The following ANXA4 variants were observed in gnomAD, a reference collection of about 807,000 sequenced individuals.
ANXA4 encodes the protein annexin A4, also known as 35-beta calcimedin.
A neutral mutation model predicts 49.8 loss-of-function variants in ANXA4; 39 were observed. That is an observed-to-expected ratio of 0.78 (90% CI 0.61 to 1.02). The LOEUF is 1.02. ANXA4 is among the 50% of genes least tolerant of loss of function. ANXA4 has a pLI of 0.00. For missense variants in ANXA4, 360 were observed against 410.1 expected (o/e 0.88, Z 1.05); for synonymous variants, 134 against 152.5 (o/e 0.88, Z 0.89).
chr2:69,663,935 G>A (rs543578807), intron 2 of ANXA4, among the ~76,000 whole-genome samples: 2 of 152,276 alleles, frequency 1.3e-5, no homozygotes, highest in African/African-American at 2.4e-5. Flanking sequence ...TAAAGAGCAT[G>A]AATTTCCACA....
upstream of ANXA4, chr2:69,643,914 G>C (rs1675884444): frequency 8.6e-7 from 1 of 1,156,426 alleles, no homozygotes; most frequent in African/African-American, 1.6e-5. Context: ...AGAGGACTGG[G>C]GGAAGAGGGT....
chr2:69,650,454 A>G (rs1332025178), intron 1 of ANXA4, among the ~76,000 whole-genome samples: 1 of 152,066 alleles, frequency 6.6e-6, no homozygotes, highest in African/African-American at 2.4e-5. Flanking sequence ...CTTGCCTTCA[A>G]GGAGCTTTTG....
At chr2:69,697,775 G>C (rs1678203944) in intron 2 of ANXA4, among the ~76,000 whole-genome samples, 1 of 152,064 alleles carries the variant, frequency 6.6e-6, no homozygotes, top group African/African-American at 2.4e-5. Context: ...AATTAAGCTT[G>C]CTATTCTGTA....
chr2:69,695,376 G>A (rs574290851), intron 2 of ANXA4, among the ~76,000 whole-genome samples: 24 of 152,274 alleles, frequency 1.6e-4, no homozygotes, highest in South Asian at 4.2e-4. Context: ...CTCAGCACCC[G>A]TGCTGATTTC....
chr2:69,709,405 A>G (rs1175298284), intron 2 of ANXA4, among the ~76,000 whole-genome samples: 2 of 152,134 alleles, frequency 1.3e-5, no homozygotes, highest in East Asian at 3.8e-4. Context: ...TTCCTCAAAC[A>G]AAGGCTTTTC....
At chr2:69,784,860 C>A (rs1672349503) in intron 2 of ANXA4, among the ~76,000 whole-genome samples, 1 of 152,180 alleles carries the variant, frequency 6.6e-6, no homozygotes, top group Non-Finnish European at 1.5e-5. Flanking sequence ...GGTGCTCACC[C>A]CTTGTATGTC....
At chr2:69,666,060 G>A (rs555537375) in intron 2 of ANXA4, among the ~76,000 whole-genome samples, 4 of 152,026 alleles carry the variant, frequency 2.6e-5, no homozygotes, top group Non-Finnish European at 4.4e-5. Flanking sequence ...AAAAAATAGC[G>A]GGGCGTGGTG....
chr2:69,690,888 A>C (rs1480588109), intron 2 of ANXA4, among the ~76,000 whole-genome samples: 2 of 152,230 alleles, frequency 1.3e-5, no homozygotes, highest in African/African-American at 4.8e-5. Flanking sequence ...TGTAAAACAA[A>C]GCAACTAATA....
intron 2 of ANXA4, among the ~76,000 whole-genome samples, chr2:69,660,775 G>GGA (rs60225306): frequency 0.02 from 2,868 of 145,684 alleles, 79 homozygotes; most frequent in African/African-American, 0.057. Context: ...AGGGAGGGAG[G>GGA]GAGAGAGAGA....
At position 69,646,664 on chromosome 2, in the gene ANXA4, C is replaced by CTGTG. The variant is rs890685551; in HGVS notation, n.481+1761_481+1764dup. On this transcript the variant is annotated intron_variant and non_coding_transcript_variant, in intron 1 of 3. Transcript: ENST00000418066. The stretch of plus-strand genomic sequence containing the variant: ...GCCAAATTATAAACAAGACCTAAGG[C>CTGTG]TGTGTCAGGCAAGGGTTAAGTCACA... Among the ~76,000 whole-genome samples the CTGTG allele has an allele frequency of 6.3e-4, 96 of 152,194 alleles. 1 individual carries two copies. Among genetic ancestry groups the CTGTG allele is most frequent in the Non-Finnish European group, 1.8e-4 (12 of 68,038 alleles).
intron 3 of ANXA4, among the ~76,000 whole-genome samples, chr2:69,800,780 G>A (rs1375373779): frequency 6.6e-6 from 1 of 152,222 alleles, no homozygotes; most frequent in Non-Finnish European, 1.5e-5. Context: ...CAGCAGTGAA[G>A]TGGCCTCGTC....
At chr2:69,764,665 T>A (rs1341353776) in intron 1 of ANXA4, among the ~76,000 whole-genome samples, 2 of 152,210 alleles carry the variant, frequency 1.3e-5, no homozygotes, top group Non-Finnish European at 2.9e-5. Flanking sequence ...ACATTTAAAA[T>A]CAACTTTTAA....
intron 11 of ANXA4, among the ~76,000 whole-genome samples, chr2:69,819,562 C>T (rs977270927): frequency 6.6e-6 from 1 of 152,146 alleles, no homozygotes; most frequent in Non-Finnish European, 1.5e-5. Flanking sequence ...CCCACAACAG[C>T]TCTATCAGGC....
At chr2:69,662,035 A>T (rs1359059946) in intron 2 of ANXA4, among the ~76,000 whole-genome samples, 1 of 152,224 alleles carries the variant, frequency 6.6e-6, no homozygotes, top group East Asian at 1.9e-4. Context: ...AGTGACCATT[A>T]TATCTCATGA....
intron 2 of ANXA4, among the ~76,000 whole-genome samples, chr2:69,679,927 G>A (rs1490698828): frequency 1.3e-5 from 2 of 152,170 alleles, no homozygotes; most frequent in East Asian, 1.9e-4. Flanking sequence ...ATATTTTGAA[G>A]TCAGGTAGTG....
chr2:69,764,281 G>A (rs995156086), intron 1 of ANXA4, among the ~76,000 whole-genome samples: 5 of 152,198 alleles, frequency 3.3e-5, no homozygotes, highest in African/African-American at 1.2e-4. Context: ...TCTGAAAGAT[G>A]AACATGAAAT....
chr2:69,693,946 C>T (rs1324926763), intron 2 of ANXA4, among the ~76,000 whole-genome samples: 1 of 152,110 alleles, frequency 6.6e-6, no homozygotes, highest in Non-Finnish European at 1.5e-5. Flanking sequence ...AGAGAGTTCT[C>T]AGTGGTCCTA....
chr2:69,668,051 C>T (rs1375484565), intron 2 of ANXA4, among the ~76,000 whole-genome samples: 1 of 152,084 alleles, frequency 6.6e-6, no homozygotes, highest in Admixed American at 6.6e-5. Context: ...AAGTATGTTA[C>T]CAGAGGAATG....
intron 3 of ANXA4, among the ~76,000 whole-genome samples, chr2:69,797,385 C>T (rs1484094510): frequency 6.6e-6 from 1 of 152,118 alleles, no homozygotes; most frequent in Non-Finnish European, 1.5e-5. Context: ...ATGGGCTAGT[C>T]ATGTTTACCC....
Sources: allele counts gnomAD v4.1 joint callset (sites outside exome capture counted in the v4.1 genomes callset), GRCh38; gene constraint gnomAD v4.1.1; transcripts MANE v1.5; gene names NCBI Gene and HGNC (gene_info 2026-07-23, HGNC 2026-07-21).